Variants in SORCS1 observed in about 807,000 individuals in gnomAD.
SORCS1 encodes sortilin related VPS10 domain containing receptor 1.
SORCS1 carries 60 observed loss-of-function variants against 146.1 expected under a neutral mutation model. The observed-to-expected ratio is 0.41, with a 90% CI of 0.33 to 0.51. The LOEUF (loss-of-function observed/expected upper bound fraction) is 0.51. Ranked by LOEUF, SORCS1 falls within the 20% of genes least tolerant of loss-of-function variation. SORCS1 has a pLI of 0.21. For missense variants in SORCS1, 1,352 were observed against 1,487.6 expected, an observed-to-expected ratio of 0.91 and a Z score of 1.50; for synonymous variants, 637 against 584.0, an observed-to-expected ratio of 1.09 and a Z score of -1.31.
intron 3 of SORCS1, among the ~76,000 whole-genome samples, chr10:106,786,879 C>G (rs897915206): frequency 2.0e-4 from 31 of 152,062 alleles, no homozygotes; most frequent in Non-Finnish European, 2.6e-4. Flanking sequence ...TTCATTGGGT[C>G]TTACCTTAAA....
chr10:106,771,709 A>C (rs1860033482), intron 4 of SORCS1, among the ~76,000 whole-genome samples: 1 of 152,234 alleles, frequency 6.6e-6, no homozygotes, highest in Non-Finnish European at 1.5e-5. Context: ...GTAGACACCA[A>C]GTAGCCCCCT....
chr10:106,800,933 T>C (rs1946837097), intron 3 of SORCS1, among the ~76,000 whole-genome samples: 1 of 152,138 alleles, frequency 6.6e-6, no homozygotes, highest in African/African-American at 2.4e-5. Flanking sequence ...AAAAGCACCC[T>C]GGGATTAATG....
chr10:107,041,068 T>A (rs925624190), intron 1 of SORCS1, among the ~76,000 whole-genome samples: 1 of 152,124 alleles, frequency 6.6e-6, no homozygotes, highest in Admixed American at 6.5e-5. Context: ...TGTTAAAGAA[T>A]AAGGTAGATT....
chr10:107,089,606 A>G (rs1001463306), intron 1 of SORCS1, among the ~76,000 whole-genome samples: 2 of 152,228 alleles, frequency 1.3e-5, no homozygotes, highest in Non-Finnish European at 2.9e-5. Flanking sequence ...GGGGACTCAA[A>G]CTAGTTCTTA....
intron 8 of SORCS1, among the ~76,000 whole-genome samples, chr10:106,705,711 G>GC (rs750889027): frequency 3.4e-4 from 52 of 152,152 alleles, no homozygotes; most frequent in Non-Finnish European, 4.4e-4. Flanking sequence ...CACGATGGCA[G>GC]CAAGATCGCA....
chr10:106,583,273 G>C (rs990621869), intron 24 of SORCS1, among the ~76,000 whole-genome samples: 1 of 152,126 alleles, frequency 6.6e-6, no homozygotes, highest in African/African-American at 2.4e-5. Context: ...CAGTTCCCTG[G>C]TGAGATAATT....
intron 10 of SORCS1, among the ~76,000 whole-genome samples, chr10:106,686,753 G>A (rs1254629035): frequency 3.9e-5 from 6 of 152,162 alleles, no homozygotes; most frequent in Admixed American, 2.0e-4. Context: ...TGACAACTGT[G>A]ATATCCTCTG....
intron 1 of SORCS1, among the ~76,000 whole-genome samples, chr10:107,104,660 G>C (rs1245303570): frequency 3.3e-5 from 5 of 152,224 alleles, no homozygotes; most frequent in Non-Finnish European, 5.9e-5. Context: ...CCAGGATTTG[G>C]CAATTTGGAA....
chr10:106,876,293 T>C (rs897686798), intron 2 of SORCS1, among the ~76,000 whole-genome samples: 3 of 152,230 alleles, frequency 2.0e-5, no homozygotes, highest in African/African-American at 7.2e-5. Flanking sequence ...ACTTGAACTG[T>C]AGTTAGAAGT....
intron 1 of SORCS1, among the ~76,000 whole-genome samples, chr10:106,991,230 G>A (rs943543315): frequency 3.9e-5 from 6 of 152,192 alleles, no homozygotes; most frequent in Admixed American, 1.3e-4. Flanking sequence ...TATTCAGCAC[G>A]TGTTCTAGCA....
chr10:107,040,380 A>G (rs991419534), intron 1 of SORCS1, among the ~76,000 whole-genome samples: 1 of 152,206 alleles, frequency 6.6e-6, no homozygotes, highest in African/African-American at 2.4e-5. Context: ...GCCAGATAAT[A>G]ACTGCAGAAA....
intron 9 of SORCS1, among the ~76,000 whole-genome samples, chr10:106,694,359 AAGTGATTCTCCTG>A (rs1853536222): frequency 6.6e-6 from 1 of 152,122 alleles, no homozygotes; most frequent in African/African-American, 2.4e-5. Flanking sequence ...TCATGGGTGC[AAGTGATTCTCCTG>A]CCTCAGCCTC....
chr10:106,680,653 T>A (rs980720627), intron 10 of SORCS1, among the ~76,000 whole-genome samples: 1 of 152,214 alleles, frequency 6.6e-6, no homozygotes, highest in East Asian at 1.9e-4. Flanking sequence ...ATAAATCTTA[T>A]ATGAATTTTG....
intron 1 of SORCS1, among the ~76,000 whole-genome samples, chr10:107,103,364 G>GCTCTCTA (rs1965080765): frequency 6.6e-6 from 1 of 152,184 alleles, no homozygotes; most frequent in Admixed American, 6.5e-5. Context: ...TCCCGACTAA[G>GCTCTCTA]GTTTATTAAT....
intron 5 of SORCS1, among the ~76,000 whole-genome samples, chr10:106,739,436 G>A (rs1857195291): frequency 6.6e-6 from 1 of 150,400 alleles, no homozygotes; most frequent in South Asian, 2.1e-4. Context: ...AGTGAGCCAA[G>A]ATTGCACCAC....
intron 2 of SORCS1, among the ~76,000 whole-genome samples, chr10:106,857,106 T>G (rs535815532): frequency 9.9e-5 from 15 of 152,280 alleles, no homozygotes; most frequent in African/African-American, 2.6e-4. Context: ...CTGAAAGCAG[T>G]GAACATATCT....
At chr10:106,756,461 A>G (rs1858648081) in intron 5 of SORCS1, among the ~76,000 whole-genome samples, 1 of 152,196 alleles carries the variant, frequency 6.6e-6, no homozygotes. Context: ...AGTAAACCTC[A>G]GTGTCCTTGA....
chr10:106,901,407 T>C (rs1443171409), intron 2 of SORCS1, among the ~76,000 whole-genome samples: 1 of 152,198 alleles, frequency 6.6e-6, no homozygotes, highest in Non-Finnish European at 1.5e-5. Flanking sequence ...TGTTCAACTT[T>C]ATAAAAATTA....
At chr10:106,896,650 TG>T (rs1951490958) in intron 2 of SORCS1, among the ~76,000 whole-genome samples, 1 of 151,802 alleles carries the variant, frequency 6.6e-6, no homozygotes, top group African/African-American at 2.4e-5. Flanking sequence ...TTAGGTTATA[TG>T]TTTTTTACAT....
Sources: gnomAD v4.1 joint callset for allele counts (sites outside exome capture counted in the v4.1 genomes callset) on GRCh38, gnomAD v4.1.1 for gene constraint, MANE v1.5 for transcripts, NCBI Gene and HGNC (gene_info 2026-07-23, HGNC 2026-07-21) for gene names.